SH2D4A: variants seen among roughly 807,000 people sequenced by gnomAD.
SH2D4A encodes SH2 domain-containing protein 4A.
A neutral mutation model predicts 64.7 loss-of-function variants in SH2D4A; 70 were observed. The observed-to-expected ratio is 1.08, with a 90% CI of 0.89 to 1.32. The LOEUF (loss-of-function observed/expected upper bound fraction) is 1.32. Among genes scored for constraint, SH2D4A ranks in the 40% most tolerant of loss-of-function variants. The probability of loss-of-function intolerance (pLI) is 0.00; values close to 1 mark genes in which losing one functional copy is unlikely to be tolerated. For synonymous variants in SH2D4A, 268 were observed against 200.7 expected (o/e 1.34, Z -2.83); for missense variants, 706 against 540.1 (o/e 1.31, Z -3.04).
rs1023504978 is a variant in SH2D4A at position 19,320,676 on chromosome 8, G to A, written c.181+948G>A. 6.0e-5 allele frequency among the ~76,000 whole-genome samples: 8 copies of A among 133,926 alleles called. No homozygotes were observed. In the East Asian group the frequency reaches 1.8e-3, roughly 29 times the overall value. The allele number at this position is 133,926 out of a possible 152,430, so 87.9% of individuals were successfully genotyped here. A position where few individuals can be genotyped will look rare whatever the true frequency, so the allele number is the denominator to read the frequency against. ...TAAAGCATATACACATACAGACACA[G>A]AAAAATACACATTGTCCACCCTCCT... On this transcript the variant is annotated intron_variant, in intron 2 of 9. Transcript: ENST00000265807.
In SH2D4A at chr8:19,338,765, T is replaced by C. The variant is rs141202764; in HGVS notation, c.513+3908T>C. ...CTACCGAAATGTACCATAATTTGTG[T>C]TGTTCATAAGCACTGAGTTTATTGT... On this transcript the variant is annotated intron_variant, in intron 4 of 9. Coordinates refer to ENST00000265807, the MANE Select transcript of SH2D4A (RefSeq NM_022071.4). Among the ~76,000 whole-genome samples the C allele has an allele frequency of 1.1e-4, 17 of 152,330 alleles. No individual in the cohort carries two copies. In the East Asian group the frequency reaches 2.7e-3, roughly 24 times the overall value.
rs899657121 is a variant in SH2D4A, at chr8:19,324,357, C to G, written c.181+4629C>G. 1.1e-4 allele frequency among the ~76,000 whole-genome samples: 16 copies of G among 152,196 alleles called. 1 individual carries two copies. Among genetic ancestry groups the G allele is most frequent in the Admixed American group, 5.2e-4 (8 of 15,282 alleles). On this transcript the variant is annotated intron_variant, in intron 2 of 9. Coordinates refer to ENST00000265807, the MANE Select transcript of SH2D4A (RefSeq NM_022071.4). Reference sequence around the variant, plus strand: ...TTCATACAGCTTTTTTTGCTGCGTTCTCATTGTTCCCAAGGGGGCAGATCC... The same window carrying G: ...TTCATACAGCTTTTTTTGCTGCGTTGTCATTGTTCCCAAGGGGGCAGATCC...
In SH2D4A at chr8:19,319,444, G is replaced by A. The variant is rs2052146700; in HGVS notation, c.-104G>A. 1.9e-5 allele frequency: 26 copies of A among 1,337,334 alleles called. 2 individuals are homozygous for A. In the South Asian group the frequency reaches 6.4e-4, roughly 33 times the overall value. 82.8% of individuals were successfully genotyped at this position (1,337,334 alleles called of 1,614,324 possible). The stretch of plus-strand genomic sequence containing the variant: ...TCAGCCAGGATTGTGAGCTGTTTGG[G>A]AAGTTTCGTGGAAACGCCCAAGTGC... On this transcript the variant is annotated 5_prime_UTR_variant, in exon 2 of 10. Coordinates refer to ENST00000265807, the MANE Select transcript of SH2D4A (RefSeq NM_022071.4).
chr8:19,315,006 C>A (rs1036782776), intron 1 of SH2D4A, among the ~76,000 whole-genome samples: 2 of 152,144 alleles, frequency 1.3e-5, no homozygotes, highest in African/African-American at 4.8e-5. Flanking sequence ...GTTACACTGT[C>A]CATACCACAA....
intron 6 of SH2D4A, chr8:19,363,851 C>T (rs1259749240): frequency 1.8e-6 from 1 of 550,982 alleles, no homozygotes; most frequent in Non-Finnish European, 3.2e-6. Flanking sequence ...CTCTCCCTCT[C>T]AGAAAACCCC....
At chr8:19,335,422 A>G (rs1178864399) in intron 4 of SH2D4A, among the ~76,000 whole-genome samples, 1 of 152,196 alleles carries the variant, frequency 6.6e-6, no homozygotes, top group African/African-American at 2.4e-5. Flanking sequence ...GCAATTTGGC[A>G]TTTTAAGATA....
At chr8:19,337,845 T>C (rs1480748137) in intron 4 of SH2D4A, among the ~76,000 whole-genome samples, 1 of 152,090 alleles carries the variant, frequency 6.6e-6, no homozygotes, top group Non-Finnish European at 1.5e-5. Context: ...CCACAACACA[T>C]GGGAATTGTG....
intron 8 of SH2D4A, among the ~76,000 whole-genome samples, chr8:19,380,038 CT>C (rs944814585): frequency 6.6e-6 from 1 of 152,058 alleles, no homozygotes; most frequent in Non-Finnish European, 1.5e-5. Flanking sequence ...GCCTGTTATC[CT>C]TTTTTTCTCT....
At chr8:19,341,785 C>T (rs539562239) in intron 4 of SH2D4A, among the ~76,000 whole-genome samples, 3 of 147,070 alleles carry the variant, frequency 2.0e-5, no homozygotes, top group Admixed American at 7.1e-5. Context: ...GAAGTTGCAG[C>T]GAGCTATGAT....
chr8:19,395,734 T>C lies in SH2D4A; in HGVS notation c.*1092T>C, dbSNP rs1487027672. ...CATGGGACAGGTTCCCCACAAGCCT[T>C]AGAAGGAAGCATGGCCCTGACTTCA... On this transcript the variant is annotated 3_prime_UTR_variant, in exon 10 of 10. Coordinates refer to ENST00000265807, the MANE Select transcript of SH2D4A (RefSeq NM_022071.4). The C allele has an allele frequency of 3.3e-5, 5 of 152,132 alleles. No individual in the cohort carries two copies. Among genetic ancestry groups the C allele is most frequent in the Admixed American group, 3.3e-4 (5 of 15,258 alleles). The allele number at this position is 152,132 out of a possible 1,614,324, so 9.4% of individuals were successfully genotyped here.
At chr8:19,388,229 G>A (rs1159486365) in intron 8 of SH2D4A, among the ~76,000 whole-genome samples, 1 of 152,234 alleles carries the variant, frequency 6.6e-6, no homozygotes, top group East Asian at 1.9e-4. Flanking sequence ...CCCTGGAAGT[G>A]TCATTTGCTA....
intron 2 of SH2D4A, among the ~76,000 whole-genome samples, chr8:19,325,090 T>C (rs187722581): frequency 4.6e-5 from 7 of 152,200 alleles, no homozygotes; most frequent in African/African-American, 4.8e-5. Context: ...CCCTCCGGCG[T>C]CTGCTGGTCC....
At position 19,326,227 on chromosome 8, in the gene SH2D4A, A is replaced by G. The variant is rs115712654; in HGVS notation, c.181+6499A>G. 4.6e-3 allele frequency among the ~76,000 whole-genome samples: 707 copies of G among 152,320 alleles called. 4 individuals carry two copies. The highest frequency in any genetic ancestry group is 0.016 in the African/African-American group (657 of 41,570). ...TTCCTCATTGCAAAATAGGTGAGTAATCACCTGAGCTGATATTTAGTGACA... is the reference window on the plus strand; with the variant it reads ...TTCCTCATTGCAAAATAGGTGAGTAGTCACCTGAGCTGATATTTAGTGACA... On this transcript the variant is annotated intron_variant, in intron 2 of 9. Transcript: ENST00000265807.
chr8:19,384,106 ATAGATTG>A (rs1285602589), intron 8 of SH2D4A, among the ~76,000 whole-genome samples: 5 of 152,318 alleles, frequency 3.3e-5, no homozygotes, highest in Admixed American at 3.3e-4. Flanking sequence ...CTTCAGTAAA[ATAGATTG>A]TAATTACTGC....
chr8:19,330,155 T>G (rs2052347631), intron 2 of SH2D4A, among the ~76,000 whole-genome samples: 1 of 152,172 alleles, frequency 6.6e-6, no homozygotes, highest in Admixed American at 6.5e-5. Flanking sequence ...CCTTGTAGAA[T>G]GAACTACTAC....
At chr8:19,369,871 T>C (rs1478389996) in intron 7 of SH2D4A, among the ~76,000 whole-genome samples, 1 of 152,084 alleles carries the variant, frequency 6.6e-6, no homozygotes, top group Non-Finnish European at 1.5e-5. Flanking sequence ...ATCAAGTTCT[T>C]GTTTTTCTAG....
Position 19,394,642 on chromosome 8 carries a change from A to G in SH2D4A, c.1365A>G (p.Ter455TrpextTer26). 6.2e-7 allele frequency: 1 copy of G among 1,604,822 alleles called. No homozygotes were observed. The highest frequency in any genetic ancestry group is 8.5e-7 in the Non-Finnish European group (1 of 1,173,860). Residue 455 changes from the stop codon to tryptophan, a stop_lost, in exon 10 of 10, where the codon TGA becomes TGG. Coordinates refer to ENST00000265807, the MANE Select transcript of SH2D4A (RefSeq NM_022071.4). ...QLPDYLELFE[*>W] ...CTGACTACCTGGAGCTGTTTGAGTG[A>G]CAGCCTCCATCAGGGTCATCCTACA...
chr8:19,363,777 C>G, intron 6 of SH2D4A: 1 of 410,798 alleles, frequency 2.4e-6, no homozygotes, highest in Non-Finnish European at 4.5e-6. Context: ...GTCTTGCCAA[C>G]TGCAGGAAAT....
At chr8:19,363,918 T>G in intron 6 of SH2D4A, 154 bp from the exon 7 acceptor site, 1 of 692,542 alleles carries the variant, frequency 1.4e-6, no homozygotes, top group East Asian at 2.7e-5. Context: ...CCTAATGGCC[T>G]GGATCATAGG....
Sources: gnomAD v4.1 joint callset for allele counts (sites outside exome capture counted in the v4.1 genomes callset) on GRCh38, gnomAD v4.1.1 for gene constraint, MANE v1.5 for transcripts, NCBI Gene and HGNC (gene_info 2026-07-23, HGNC 2026-07-21) for gene names.